The following CCDC7 variants were observed in gnomAD, a reference collection of about 807,000 sequenced individuals.
The protein encoded by CCDC7 is coiled-coil domain-containing protein 7.
A neutral mutation model predicts 196.9 loss-of-function variants in CCDC7; 183 were observed. The ratio of observed to expected loss-of-function variants is 0.93; its 90% CI spans 0.82 to 1.05. The LOEUF is 1.05. Among genes scored for constraint, CCDC7 ranks in the 50% least tolerant of loss-of-function variants. CCDC7 has a pLI of 0.00. For missense variants in CCDC7, 1,540 were observed against 1,482.2 expected, an observed-to-expected ratio of 1.04 and a Z score of -0.64; for synonymous variants, 525 against 484.6, an observed-to-expected ratio of 1.08 and a Z score of -1.10.
intron 20 of CCDC7, among the ~76,000 whole-genome samples, chr10:32,648,015 G>C (rs1373212104): frequency 6.6e-6 from 1 of 152,208 alleles, no homozygotes; most frequent in East Asian, 1.9e-4. Context: ...TAAGGTGATA[G>C]ATATGGGTTC....
At chr10:32,524,552 T>C (rs575557262) in intron 11 of CCDC7, among the ~76,000 whole-genome samples, 1 of 152,346 alleles carries the variant, frequency 6.6e-6, no homozygotes, top group African/African-American at 2.4e-5. Flanking sequence ...TAGCATCTCT[T>C]ATGGGACAGG....
intron 28 of CCDC7, among the ~76,000 whole-genome samples, chr10:32,764,439 T>C (rs897824755): frequency 3.4e-5 from 5 of 146,632 alleles, no homozygotes; most frequent in African/African-American, 1.3e-4. Flanking sequence ...TTTATTGATA[T>C]GGTATAATTT....
intron 18 of CCDC7, among the ~76,000 whole-genome samples, chr10:32,602,573 C>G (rs2061167679): frequency 6.6e-6 from 1 of 152,110 alleles, no homozygotes. Flanking sequence ...ATTAATTTTT[C>G]CACCTATGCT....
chr10:32,873,382 C>A (rs2094497587), intron 41 of CCDC7, among the ~76,000 whole-genome samples: 1 of 152,022 alleles, frequency 6.6e-6, no homozygotes, highest in South Asian at 2.1e-4. Flanking sequence ...GTTTTCAGCT[C>A]CATCAGGTCC....
At chr10:32,532,052 C>A (rs1023026856) in intron 11 of CCDC7, among the ~76,000 whole-genome samples, 1 of 152,024 alleles carries the variant, frequency 6.6e-6, no homozygotes, top group East Asian at 1.9e-4. Flanking sequence ...CTGCTTTAAT[C>A]TTCATTATTT....
At chr10:32,845,245 A>G (rs746859333) in exon 34 of CCDC7, 17 of 1,542,656 alleles carry the variant, frequency 1.1e-5, no homozygotes, top group African/African-American at 1.4e-5. Flanking sequence ...TTATATAGAG[A>G]CTGATAAGGA....
At chr10:32,618,176 T>C (rs2062982511) in intron 18 of CCDC7, among the ~76,000 whole-genome samples, 1 of 152,008 alleles carries the variant, frequency 6.6e-6, no homozygotes, top group African/African-American at 2.4e-5. Context: ...GATCATATTT[T>C]TTAATGCAGT....
chr10:32,506,365 C>A (rs1198014934), intron 9 of CCDC7, among the ~76,000 whole-genome samples: 1 of 150,562 alleles, frequency 6.6e-6, no homozygotes, highest in Non-Finnish European at 1.5e-5. Context: ...CTCTTCACTT[C>A]CAGACGGGGC....
At chr10:32,791,762 G>T (rs1420354428) in intron 29 of CCDC7, among the ~76,000 whole-genome samples, 1 of 152,074 alleles carries the variant, frequency 6.6e-6, no homozygotes, top group African/African-American at 2.4e-5. Flanking sequence ...GACATTACAG[G>T]TATTAAAGAA....
chr10:32,457,974 G>T (rs941938237), intron 3 of CCDC7, among the ~76,000 whole-genome samples: 2 of 151,798 alleles, frequency 1.3e-5, no homozygotes, highest in African/African-American at 4.8e-5. Context: ...TCATTCTGAA[G>T]ATTGTCTTTT....
chr10:32,499,840 CA>C (rs34671880), intron 9 of CCDC7, among the ~76,000 whole-genome samples: 20,975 of 152,098 alleles, frequency 0.14, 1,751 homozygotes, highest in East Asian at 0.25. Flanking sequence ...ATCTGTTTAA[CA>C]AAGCACATCT....
intron 28 of CCDC7, among the ~76,000 whole-genome samples, chr10:32,734,240 T>C (rs1352953406): frequency 1.3e-5 from 2 of 152,154 alleles, no homozygotes; most frequent in African/African-American, 2.4e-5. Context: ...CACCATGGAA[T>C]ACTATGATTA....
rs184331333 is a variant in CCDC7, at chr10:32,528,724, G to A, written c.993+10219G>A. Among the ~76,000 whole-genome samples the A allele has an allele frequency of 2.8e-3, 393 of 138,544 alleles. 2 individuals carry two copies. Among genetic ancestry groups the A allele is most frequent in the African/African-American group, 9.8e-3 (362 of 36,860 alleles). 90.9% of individuals were successfully genotyped at this position (138,544 alleles called of 152,430 possible). ...TATATATGTATATATACATATATAC[G>A]TATTTACGTATATATGTATATATAC... On this transcript the variant is annotated intron_variant, in intron 11 of 41. Coordinates refer to ENST00000639629, the Ensembl canonical transcript of CCDC7.
intron 21 of CCDC7, among the ~76,000 whole-genome samples, chr10:32,666,427 G>A (rs11009024): frequency 0.089 from 13,522 of 151,942 alleles, 860 homozygotes; most frequent in East Asian, 0.33. Context: ...TACACAACGT[G>A]CAGGTTTGTT....
intron 11 of CCDC7, among the ~76,000 whole-genome samples, chr10:32,541,241 G>C (rs896249607): frequency 1.3e-5 from 2 of 152,086 alleles, no homozygotes; most frequent in Non-Finnish European, 2.9e-5. Flanking sequence ...CAGCAGTGGG[G>C]GTGGGCGAGG....
intron 28 of CCDC7, among the ~76,000 whole-genome samples, chr10:32,765,450 GT>G (rs2078130755): frequency 6.6e-6 from 1 of 151,872 alleles, no homozygotes; most frequent in Non-Finnish European, 1.5e-5. Context: ...CATTTCCCCA[GT>G]TTGTGAATGT....
intron 24 of CCDC7, among the ~76,000 whole-genome samples, chr10:32,695,741 T>G (rs559259306): frequency 6.6e-6 from 1 of 152,308 alleles, no homozygotes; most frequent in African/African-American, 2.4e-5. Flanking sequence ...GCCCATTTAA[T>G]GTAAGGCGGA....
At chr10:32,515,631 C>A (rs2135459194) in intron 9 of CCDC7, among the ~76,000 whole-genome samples, 1 of 152,144 alleles carries the variant, frequency 6.6e-6, no homozygotes, top group Admixed American at 6.5e-5. Context: ...GCAAGCTCTG[C>A]CTCCCGGGTT....
chr10:32,726,878 A>T, intron 26 of CCDC7, 46 bp downstream of exon 27: 2 of 1,138,912 alleles, frequency 1.8e-6, no homozygotes, highest in Non-Finnish European at 2.5e-6. Flanking sequence ...TTAAAATTAA[A>T]CTTATCAGAA....
Sources: allele counts gnomAD v4.1 joint callset (sites outside exome capture counted in the v4.1 genomes callset), GRCh38; gene constraint gnomAD v4.1.1; transcripts MANE v1.5; gene names NCBI Gene and HGNC (gene_info 2026-07-23, HGNC 2026-07-21).